TSPAN5: variants seen among roughly 807,000 people sequenced by gnomAD.
TSPAN5 encodes tetraspanin-5.
Under a neutral mutation model 37.1 loss-of-function variants are expected in TSPAN5, and 10 were observed. That is an observed-to-expected ratio of 0.27 (90% CI 0.17 to 0.46). The LOEUF (loss-of-function observed/expected upper bound fraction) is 0.46. Among genes scored for constraint, TSPAN5 ranks in the 20% least tolerant of loss-of-function variants. The probability of loss-of-function intolerance (pLI) is 1.00; values close to 1 mark genes in which losing one functional copy is unlikely to be tolerated. For synonymous variants in TSPAN5, 110 were observed against 118.9 expected (o/e 0.93, Z 0.48); for missense variants, 195 against 326.6 (o/e 0.60, Z 3.11).
intron 3 of TSPAN5, 190 bp from the exon 4 acceptor site, chr4:98,482,365 T>A (rs533977420): frequency 2.0e-6 from 1 of 509,848 alleles, no homozygotes; most frequent in South Asian, 3.1e-5. Context: ...TTAAAAATCA[T>A]TTTATAATCA....
chr4:98,641,230 T>C (rs1168168093), intron 1 of TSPAN5, among the ~76,000 whole-genome samples: 1 of 152,178 alleles, frequency 6.6e-6, no homozygotes. Context: ...GATACCTGCA[T>C]TCTGTAACAA....
At chr4:98,562,491 T>A (rs1754901041) in intron 1 of TSPAN5, among the ~76,000 whole-genome samples, 1 of 152,040 alleles carries the variant, frequency 6.6e-6, no homozygotes, top group African/African-American at 2.4e-5. Flanking sequence ...TGAAACCCCA[T>A]CTCTACTAAA....
chr4:98,580,455 C>A (rs747013911), intron 1 of TSPAN5, among the ~76,000 whole-genome samples: 30 of 151,886 alleles, frequency 2.0e-4, no homozygotes, highest in Non-Finnish European at 4.1e-4. Flanking sequence ...ACTTCCAGGG[C>A]AGGCAGGAAG....
Position 98,571,143 on chromosome 4 carries a change from T to C in TSPAN5, c.82-63415A>G, listed in dbSNP as rs547415841. Among the ~76,000 whole-genome samples the C allele has an allele frequency of 2.0e-4, 31 of 152,304 alleles. 1 individual carries two copies. The South Asian group carries it at 5.2e-3, about 25-fold the overall frequency. On this transcript the variant is annotated intron_variant, in intron 1 of 7. Coordinates refer to ENST00000305798, the MANE Select transcript of TSPAN5 (RefSeq NM_005723.4). ...ATCTGGCTTTCAAATCAAAGGCTTATTATAAAACAGCAAATTCAAAATGGA... is the reference window on the plus strand; with the variant it reads ...ATCTGGCTTTCAAATCAAAGGCTTACTATAAAACAGCAAATTCAAAATGGA...
intron 1 of TSPAN5, among the ~76,000 whole-genome samples, chr4:98,590,060 A>G (rs1042353258): frequency 1.3e-5 from 2 of 152,168 alleles, no homozygotes; most frequent in African/African-American, 4.8e-5. Context: ...TGCATATCAC[A>G]AAGACATGCT....
chr4:98,476,007 T>A (rs888937848), intron 7 of TSPAN5, among the ~76,000 whole-genome samples, 182 bp downstream of exon 7: 12 of 151,850 alleles, frequency 7.9e-5, no homozygotes, highest in Admixed American at 4.6e-4. Flanking sequence ...AATTAATAAA[T>A]AAAATAAATA....
chr4:98,540,805 T>G (rs1470340409), intron 1 of TSPAN5, among the ~76,000 whole-genome samples: 2 of 152,234 alleles, frequency 1.3e-5, no homozygotes, highest in Non-Finnish European at 2.9e-5. Flanking sequence ...TGCCAATCTG[T>G]GTCTTCTTAT....
At position 98,595,727 on chromosome 4, in the gene TSPAN5, T is replaced by G. The variant is rs995845000; in HGVS notation, c.81+62419A>C. Among the ~76,000 whole-genome samples, 37 of 109,724 alleles carry G rather than the reference T, an allele frequency of 3.4e-4. 4 individuals are homozygous for G. The highest frequency in any genetic ancestry group is 1.3e-3 in the South Asian group (4 of 3,148). 72.0% of individuals were successfully genotyped at this position (109,724 alleles called of 152,430 possible). A position where few individuals can be genotyped will look rare whatever the true frequency, so the allele number is the denominator to read the frequency against. On this transcript the variant is annotated intron_variant, in intron 1 of 7. Transcript: ENST00000305798. ...TCATTCAGGAGCAGGTTGTTCAGTTTCCATGTAGTTGAGCGGCTTTGAGTG... is the reference window on the plus strand; with the variant it reads ...TCATTCAGGAGCAGGTTGTTCAGTTGCCATGTAGTTGAGCGGCTTTGAGTG...
At chr4:98,511,869 A>T (rs1219283743) in intron 1 of TSPAN5, among the ~76,000 whole-genome samples, 3 of 152,182 alleles carry the variant, frequency 2.0e-5, no homozygotes, top group Non-Finnish European at 1.5e-5. Context: ...ACAATATCCC[A>T]GGCACTAGAT....
chr4:98,503,905 A>C (rs1293860543), intron 2 of TSPAN5, among the ~76,000 whole-genome samples: 7 of 152,182 alleles, frequency 4.6e-5, no homozygotes, highest in Non-Finnish European at 1.0e-4. Flanking sequence ...GTTCCTTCCA[A>C]ACAGCAGATC....
At chr4:98,481,002 A>G (rs1578934262) in intron 4 of TSPAN5, among the ~76,000 whole-genome samples, 1 of 151,506 alleles carries the variant, frequency 6.6e-6, no homozygotes, top group Non-Finnish European at 1.5e-5. Flanking sequence ...CAACTATCCA[A>G]CCCCAAGAAG....
intron 1 of TSPAN5, among the ~76,000 whole-genome samples, chr4:98,637,551 AT>A (rs1269599759): frequency 2.0e-5 from 3 of 152,206 alleles, no homozygotes; most frequent in African/African-American, 7.2e-5. Flanking sequence ...CTTATCTCCT[AT>A]ATTTGAGCCC....
intron 2 of TSPAN5, among the ~76,000 whole-genome samples, chr4:98,498,892 G>T (rs1753277494): frequency 2.0e-5 from 3 of 152,240 alleles, no homozygotes; most frequent in South Asian, 2.1e-4. Context: ...TGTTCTGGGG[G>T]CACTGACCTC....
At chr4:98,595,686 G>A (rs1360000620) in intron 1 of TSPAN5, among the ~76,000 whole-genome samples, 3 of 127,128 alleles carry the variant, frequency 2.4e-5, no homozygotes, top group East Asian at 4.7e-4. Flanking sequence ...CCTTCATTTC[G>A]TTATGTACCC....
At chr4:98,544,222 G>A (rs529779169) in intron 1 of TSPAN5, among the ~76,000 whole-genome samples, 1 of 152,158 alleles carries the variant, frequency 6.6e-6, no homozygotes, top group Non-Finnish European at 1.5e-5. Flanking sequence ...TGCTTACCTT[G>A]TTCCTAATTT....
intron 1 of TSPAN5, among the ~76,000 whole-genome samples, chr4:98,630,744 C>A (rs969091218): frequency 1.3e-5 from 2 of 152,156 alleles, no homozygotes; most frequent in African/African-American, 2.4e-5. Flanking sequence ...GTGAAGGGCT[C>A]TATTTAGACA....
At chr4:98,489,617 C>CT (rs1447610068) in intron 2 of TSPAN5, among the ~76,000 whole-genome samples, 1 of 152,208 alleles carries the variant, frequency 6.6e-6, no homozygotes, top group Non-Finnish European at 1.5e-5. Context: ...GAAGCCACCA[C>CT]TGACTTCCAC....
At chr4:98,509,638 C>G (rs1329248285) in intron 1 of TSPAN5, among the ~76,000 whole-genome samples, 1 of 152,158 alleles carries the variant, frequency 6.6e-6, no homozygotes, top group Non-Finnish European at 1.5e-5. Flanking sequence ...AAAGATTTCT[C>G]GTTTTACTAT....
At chr4:98,551,909 C>T (rs941026633) in intron 1 of TSPAN5, among the ~76,000 whole-genome samples, 3 of 152,066 alleles carry the variant, frequency 2.0e-5, no homozygotes, top group Admixed American at 2.0e-4. Context: ...TTGGTCTGTG[C>T]AGGGCTTCTA....
Sources: gnomAD v4.1 joint callset for allele counts (sites outside exome capture counted in the v4.1 genomes callset) on GRCh38, gnomAD v4.1.1 for gene constraint, MANE v1.5 for transcripts, NCBI Gene and HGNC (gene_info 2026-07-23, HGNC 2026-07-21) for gene names.